The following VSIG10L variants were observed in gnomAD, a reference collection of about 807,000 sequenced individuals.
VSIG10L encodes V-set and immunoglobulin domain containing 10 like.
In VSIG10L, 63 loss-of-function variants were observed where a neutral mutation model predicts 67.3. The ratio of observed to expected loss-of-function variants is 0.94; its 90% confidence interval spans 0.76 to 1.15. The LOEUF (loss-of-function observed/expected upper bound fraction) is 1.15, where lower values mean the gene tolerates loss of function less well. VSIG10L is among the 50% of genes most tolerant of loss of function. The probability of loss-of-function intolerance (pLI) is 0.00; values close to 1 mark genes in which losing one functional copy is unlikely to be tolerated. For synonymous variants in VSIG10L, 499 were observed against 524.9 expected (o/e 0.95, Z 0.67); for missense variants, 1,050 against 1,177.5 (o/e 0.89, Z 1.58).
At chr19:51,341,114 C>A in intron 2 of VSIG10L, 39 bp downstream of exon 2, 1 of 1,473,052 alleles carries the variant, frequency 6.8e-7, no homozygotes, top group Non-Finnish European at 9.0e-7. Context: ...AGCAGAGCAG[C>A]CCCTGCCGCC....
At position 51,338,946 on chromosome 19, in the gene VSIG10L, G is replaced by A; in HGVS notation, c.1671C>T (p.Val557=). The A allele has an allele frequency of 7.0e-7, 1 of 1,436,276 alleles. No individual in the cohort carries two copies. Among genetic ancestry groups the A allele is most frequent in the Non-Finnish European group, 9.2e-7 (1 of 1,088,178 alleles). The allele number at this position is 1,436,276 out of a possible 1,614,324, so 89.0% of individuals were successfully genotyped here. ...GGTGGCGAGCAAGGCAGGTGATGGG[G>A]ACGCCGCTGAGCCGGGGGTGGGCGG... ...AVPAHPRLSG[V]PITCLARHLV... Residue 557 remains valine, a synonymous_variant, in exon 5 of 10, where the codon GTC becomes GTT. Coordinates refer to ENST00000335624, the MANE Select transcript of VSIG10L (RefSeq NM_001163922.3).
chr19:51,338,751 C>T, intron 5 of VSIG10L, 137 bp downstream of exon 5: 1 of 1,078,044 alleles, frequency 9.3e-7, no homozygotes, highest in Non-Finnish European at 1.2e-6. Flanking sequence ...TGTCCCTTTT[C>T]TAGTTTGAAG....
At position 51,334,264 on chromosome 19, in the gene VSIG10L, C is replaced by T. The variant is rs1250285086; in HGVS notation, c.2346G>A (p.Leu782=). Residue 782 remains leucine, a synonymous_variant, in exon 8 of 10, where the codon CTG becomes CTA. Coordinates refer to ENST00000335624, the MANE Select transcript of VSIG10L (RefSeq NM_001163922.3). ...GCAGCGCCAGGCCCAGCAGGGAGCCCAGGACGATGCCAGCGATGGCCCCAT... is the reference window on the plus strand; with the variant it reads ...GCAGCGCCAGGCCCAGCAGGGAGCCTAGGACGATGCCAGCGATGGCCCCAT... The part of the protein sequence containing the change: ...LSHGAIAGIV[L]GSLLGLALLA... The T allele has an allele frequency of 1.3e-6, 2 of 1,551,762 alleles. No individual in the cohort carries two copies.
chr19:51,332,594 A>C lies in VSIG10L; in HGVS notation c.*17T>G. On this transcript the variant is annotated 3_prime_UTR_variant, in exon 10 of 10. Transcript: ENST00000335624. Reference sequence around the variant, plus strand: ...ATCACACCTGTGTGGCTGCGCGAACAGTCTTTGAGCCTCCGCCTACAGAGA... The same window carrying C: ...ATCACACCTGTGTGGCTGCGCGAACCGTCTTTGAGCCTCCGCCTACAGAGA... 1 of 1,551,066 alleles carries C rather than the reference A, an allele frequency of 6.4e-7. No individual in the cohort carries two copies. The highest frequency in any genetic ancestry group is 8.7e-7 in the Non-Finnish European group (1 of 1,146,896).
chr19:51,337,271 C>T lies in VSIG10L; in HGVS notation c.2272G>A (p.Gly758Arg), dbSNP rs867947506. The part of the protein sequence containing the change: ...RILPILGGQP[G>R]TPSQSRVYRA... ...TAGACCCGGCTTTGTGATGGAGTCC[C>T]TGGCTGGCCCCCCAGGATGGGCAGG... Residue 758 changes from glycine (G) to arginine (R), a missense_variant, in exon 7 of 10, where the codon GGG (glycine) becomes AGG (arginine). Gly to Arg is a moderately radical substitution (Grantham distance 125). Transcript: ENST00000335624. The T allele has an allele frequency of 5.9e-5, 92 of 1,550,638 alleles. 1 individual carries two copies. In the African/African-American group the frequency reaches 1.2e-3, roughly 20 times the overall value.
At position 51,342,032 on chromosome 19, in the gene VSIG10L, G is replaced by A; in HGVS notation, c.41-25C>T. The A allele has an allele frequency of 1.3e-6, 2 of 1,551,736 alleles. No homozygotes were observed. Among genetic ancestry groups the A allele is most frequent in the Non-Finnish European group, 1.7e-6 (2 of 1,147,000 alleles). ...GCTGCAGAGAAGAGAGGAAGGCATT[G>A]GGGGAGGCTGCTGAGGGAGACTGAC... is the stretch of plus-strand genomic sequence containing the variant. On this transcript the variant is annotated intron_variant, in intron 1 of 9. Coordinates refer to ENST00000335624, the MANE Select transcript of VSIG10L (RefSeq NM_001163922.3). This position sits in a 1 kb window ranked among gnomAD's most constrained non-coding sequence, Gnocchi z 4.4.
rs1985626370 is a variant in VSIG10L, at chr19:51,341,192, C to T, written c.856G>A (p.Val286Ile). 1 of 1,541,818 alleles carries T rather than the reference C, an allele frequency of 6.5e-7. No homozygotes were observed. Among genetic ancestry groups the T allele is most frequent in the Non-Finnish European group, 8.8e-7 (1 of 1,142,554 alleles). Residue 286 changes from valine (V) to isoleucine (I), a missense_variant, in exon 2 of 10, where the codon GTC becomes ATC. This residue lies in a region of VSIG10L where 511 missense variants were observed against 557.9 expected (regional missense o/e 0.92). Coordinates refer to ENST00000335624, the MANE Select transcript of VSIG10L (RefSeq NM_001163922.3). ...VYTAEVIRAG[V>I]SQQTHEFTVG... ...GTGAACTCGTGAGTCTGCTGGGAGA[C>T]CCCTGCCCGGATGACCTCAGCCGTG...
At chr19:51,335,466 C>T (rs751385805) in intron 7 of VSIG10L, among the ~76,000 whole-genome samples, 1 of 152,094 alleles carries the variant, frequency 6.6e-6, no homozygotes, top group Non-Finnish European at 1.5e-5. Flanking sequence ...GAAAATGGAC[C>T]GAACTTGCTG....
chr19:51,332,559 A>G lies in VSIG10L; in HGVS notation c.*52T>C. The G allele has an allele frequency of 3.2e-6, 5 of 1,549,510 alleles. No homozygotes were observed. Among genetic ancestry groups the G allele is most frequent in the African/African-American group, 1.4e-5 (1 of 73,126 alleles). On this transcript the variant is annotated 3_prime_UTR_variant, in exon 10 of 10. Coordinates refer to ENST00000335624, the MANE Select transcript of VSIG10L (RefSeq NM_001163922.3). ...CAAAACGCCCTGTGCAGGGCAGACC[A>G]CTGGCTCTGATCACACCTGTGTGGC...
At chr19:51,336,771 T>TC (rs1260112269) in intron 7 of VSIG10L, among the ~76,000 whole-genome samples, 4 of 129,272 alleles carry the variant, frequency 3.1e-5, no homozygotes, top group African/African-American at 1.3e-4. Flanking sequence ...TGATTTTTTT[T>TC]TTTTTTTTTT....
At chr19:51,339,790 T>C in intron 4 of VSIG10L, 1 of 473,956 alleles carries the variant, frequency 2.1e-6, no homozygotes. Flanking sequence ...CCTTATCCTC[T>C]TTCTGGCCCC....
chr19:51,339,168 G>A, intron 4 of VSIG10L, 26 bp from the exon 5 acceptor site: 3 of 1,274,626 alleles, frequency 2.4e-6, no homozygotes, highest in South Asian at 2.9e-5. Flanking sequence ...AGAGAATGAA[G>A]ATGGAGTCCC....
chr19:51,334,071 G>C (rs1488714066), intron 8 of VSIG10L, 120 bp downstream of exon 8: 1 of 1,471,146 alleles, frequency 6.8e-7, no homozygotes, highest in East Asian at 2.5e-5. Flanking sequence ...TTTGGAGGTA[G>C]GAGGGCAGGA....
intron 4 of VSIG10L, 135 bp from the exon 5 acceptor site, chr19:51,339,277 G>A: frequency 1.0e-6 from 1 of 977,818 alleles, no homozygotes; most frequent in Non-Finnish European, 1.3e-6. Flanking sequence ...CTTTTCCTGC[G>A]ATCCCGTTCC....
intron 6 of VSIG10L, 67 bp from the exon 7 acceptor site, chr19:51,337,601 TG>T: frequency 4.0e-6 from 1 of 252,362 alleles, no homozygotes. Context: ...GCTGGGGGGC[TG>T]GGCTCCTGGG....
chr19:51,339,011 G>A lies in VSIG10L; in HGVS notation c.1606C>T (p.Arg536Cys). 2 of 1,396,466 alleles carry A rather than the reference G, an allele frequency of 1.4e-6. No individual in the cohort carries two copies. The highest frequency in any genetic ancestry group is 1.9e-6 in the Non-Finnish European group (2 of 1,068,830). 86.5% of individuals were successfully genotyped at this position (1,396,466 alleles called of 1,614,324 possible). A position where few individuals can be genotyped will look rare whatever the true frequency, so the allele number is the denominator to read the frequency against. ...LQFQGLPEGIRAGPVSSVLLA... is the reference protein window; with the variant it reads ...LQFQGLPEGICAGPVSSVLLA... ...AGCACAGAGGACACTGGCCCGGCGC[G>A]GATGCCTTCGGGGAGACCCTGGAAC... Residue 536 changes from arginine to cysteine, a missense_variant, in exon 5 of 10, where the codon CGC becomes TGC. By Grantham distance (180) the Arg-to-Cys change is radical. This residue lies in a region of VSIG10L where 529 missense variants were observed against 584.9 expected (regional missense o/e 0.90). Coordinates refer to ENST00000335624, the MANE Select transcript of VSIG10L (RefSeq NM_001163922.3).
rs772454929 is a variant in VSIG10L at position 51,338,064 on chromosome 19, C to A, written c.1874G>T (p.Gly625Val). The change falls in exon 6 of 10, where the codon GGG (glycine) becomes GTG (valine). Residue 625 changes from glycine (G) to valine (V), a missense_variant. Physicochemically the swap from Gly to Val is moderately radical, Grantham distance 109. Around this residue, in one of 3 missense-constraint regions of VSIG10L, gnomAD observed 529 missense variants for 584.9 expected, o/e 0.90. Transcript: ENST00000335624. ...REGRPLAPGG[G>V]SRLRLSQDGR... The stretch of plus-strand genomic sequence containing the variant: ...ATCTTGACTGAGCCGCAGGCGACTC[C>A]CGCCTCCTGGAGCCAGGGGCCTCCC... 6.4e-7 allele frequency: 1 copy of A among 1,551,636 alleles called. No homozygotes were observed. Among genetic ancestry groups the A allele is most frequent in the Non-Finnish European group, 8.7e-7 (1 of 1,146,964 alleles).
chr19:51,333,891 G>C lies in VSIG10L; in HGVS notation c.2474C>G (p.Pro825Arg). ...CACACTATGCATCTTCTTTTCTGAGGGGGTGACCACGGGGACCAAGGTAGA... is the reference window on the plus strand; with the variant it reads ...CACACTATGCATCTTCTTTTCTGAGCGGGTGACCACGGGGACCAAGGTAGA... ...HPSTLVPVVTPSEKKMHSVTP... is the reference protein window; with the variant it reads ...HPSTLVPVVTRSEKKMHSVTP... Residue 825 changes from proline (P) to arginine (R), a missense_variant, in exon 9 of 10, where the codon CCC (proline) becomes CGC (arginine). Transcript: ENST00000335624. 1 of 1,551,696 alleles carries C rather than the reference G, an allele frequency of 6.4e-7. No individual in the cohort carries two copies. The highest frequency in any genetic ancestry group is 8.7e-7 in the Non-Finnish European group (1 of 1,146,982).
chr19:51,340,513 C>A lies in VSIG10L; in HGVS notation c.1109G>T (p.Arg370Leu). Residue 370 changes from arginine (R) to leucine (L), a missense_variant, in exon 3 of 10, where the codon CGC becomes CTC. Transcript: ENST00000335624. This position sits in a 1 kb window ranked among gnomAD's most constrained non-coding sequence, Gnocchi z 6.3. Reference sequence around the variant, plus strand: ...GCAAGTGTACCGGGCGTGGTCGCTGCGCACAGGGCGCACGATGAGCAGCTG... The same window carrying A: ...GCAAGTGTACCGGGCGTGGTCGCTGAGCACAGGGCGCACGATGAGCAGCTG... The part of the protein sequence containing the change: ...GDQLLIVRPV[R>L]SDHARYTCRV... 6.5e-7 allele frequency: 1 copy of A among 1,532,402 alleles called. No individual in the cohort carries two copies. Among genetic ancestry groups the A allele is most frequent in the Non-Finnish European group, 8.7e-7 (1 of 1,143,844 alleles). The allele number at this position is 1,532,402 out of a possible 1,614,324, so 94.9% of individuals were successfully genotyped here.
Sources: allele counts gnomAD v4.1 joint callset (sites outside exome capture counted in the v4.1 genomes callset), GRCh38; gene constraint gnomAD v4.1.1; regional missense constraint gnomAD v4.1.1; non-coding constraint Gnocchi (gnomAD v3.1); transcripts MANE v1.5; gene names NCBI Gene and HGNC (gene_info 2026-07-23, HGNC 2026-07-21).